Variants in STK32B observed in about 807,000 individuals in gnomAD.
The protein encoded by STK32B is serine/threonine kinase 32B, also known as serine/threonine-protein kinase 32B.
In STK32B, 43 loss-of-function variants were observed where a neutral mutation model predicts 52.6. That is an observed-to-expected ratio of 0.82 (90% CI 0.64 to 1.05). STK32B has a LOEUF of 1.05. Among genes scored for constraint, STK32B ranks in the 50% least tolerant of loss-of-function variants. STK32B has a pLI of 0.00. For synonymous variants in STK32B, 238 were observed against 204.3 expected, an observed-to-expected ratio of 1.17 and a Z score of -1.41; for missense variants, 621 against 534.6, an observed-to-expected ratio of 1.16 and a Z score of -1.59.
intron 7 of STK32B, among the ~76,000 whole-genome samples, chr4:5,449,659 A>C (rs1715802255): frequency 6.6e-6 from 1 of 152,074 alleles, no homozygotes. Context: ...TGAGCCAGGG[A>C]AGCTTCCTCT....
chr4:5,109,397 A>G (rs185596810), intron 1 of STK32B, among the ~76,000 whole-genome samples: 169 of 152,362 alleles, frequency 1.1e-3, no homozygotes, highest in Non-Finnish European at 1.5e-3. Context: ...CAGTGGAGCT[A>G]ACAAATGAAT....
chr4:5,152,008 C>T (rs1717408577), intron 2 of STK32B, among the ~76,000 whole-genome samples: 2 of 152,178 alleles, frequency 1.3e-5, no homozygotes, highest in Admixed American at 6.5e-5. Context: ...AGACATAGTG[C>T]CTGGTCCAAG....
intron 2 of STK32B, among the ~76,000 whole-genome samples, chr4:5,146,857 G>T (rs1246309164): frequency 6.6e-6 from 1 of 152,076 alleles, no homozygotes; most frequent in Non-Finnish European, 1.5e-5. Context: ...GGTAGTATAA[G>T]TCCTCCACAT....
intron 3 of STK32B, among the ~76,000 whole-genome samples, chr4:5,241,953 C>A (rs1289285461): frequency 6.6e-6 from 1 of 152,176 alleles, no homozygotes; most frequent in African/African-American, 2.4e-5. Flanking sequence ...ATATGTGCCA[C>A]ATTTTCTTAA....
intron 1 of STK32B, among the ~76,000 whole-genome samples, chr4:5,093,524 G>A (rs1713212573): frequency 6.6e-6 from 1 of 151,904 alleles, no homozygotes; most frequent in African/African-American, 2.4e-5. Flanking sequence ...AGAACACGTG[G>A]ACACAGGAAG....
intron 1 of STK32B, among the ~76,000 whole-genome samples, chr4:5,128,373 CAT>C (rs1395438341): frequency 3.3e-5 from 5 of 152,214 alleles, no homozygotes; most frequent in Non-Finnish European, 5.9e-5. Flanking sequence ...GTCTCTCAAA[CAT>C]GTGTTTGATT....
At chr4:5,204,447 T>C (rs1369183240) in intron 3 of STK32B, among the ~76,000 whole-genome samples, 1 of 123,122 alleles carries the variant, frequency 8.1e-6, no homozygotes, top group Non-Finnish European at 1.8e-5. Context: ...TTTGTTTTTG[T>C]TTTTTAGGTT....
At chr4:5,034,933 TCAA>T in the STK32B span, among the ~76,000 whole-genome samples, 1 of 152,228 alleles carries the variant, frequency 6.6e-6, no homozygotes, top group African/African-American at 2.4e-5. Context: ...CCACTGGCCA[TCAA>T]CGACTTCCTT....
At chr4:5,318,471 G>GA (rs949790750) in intron 3 of STK32B, among the ~76,000 whole-genome samples, 5 of 150,996 alleles carry the variant, frequency 3.3e-5, no homozygotes, top group South Asian at 2.1e-4. Context: ...AATAGATTGA[G>GA]AAAAAAAAAG....
At chr4:5,334,936 CT>C (rs1185850218) in intron 4 of STK32B, among the ~76,000 whole-genome samples, 1 of 151,722 alleles carries the variant, frequency 6.6e-6, no homozygotes, top group African/African-American at 2.4e-5. Flanking sequence ...GTCTAAAATT[CT>C]CTTTTTTGGT....
intron 1 of STK32B, chr4:5,127,033 C>T: frequency 2.1e-6 from 1 of 474,674 alleles, no homozygotes; most frequent in Non-Finnish European, 4.2e-6. Context: ...GCTCAGAATG[C>T]TCAATGCTGA....
intron 3 of STK32B, among the ~76,000 whole-genome samples, chr4:5,275,056 G>A (rs1482774500): frequency 6.6e-6 from 1 of 152,202 alleles, no homozygotes; most frequent in Non-Finnish European, 1.5e-5. Flanking sequence ...CGTGGCCCAA[G>A]ATTCCATTCC....
intron 6 of STK32B, among the ~76,000 whole-genome samples, chr4:5,425,365 G>A (rs548486771): frequency 1.3e-5 from 2 of 152,316 alleles, no homozygotes; most frequent in African/African-American, 4.8e-5. Context: ...TGAGGCCAGG[G>A]AAAGTGAAGT....
intron 4 of STK32B, among the ~76,000 whole-genome samples, chr4:5,346,818 A>C (rs574797276): frequency 8.9e-4 from 136 of 152,346 alleles, no homozygotes; most frequent in African/African-American, 3.1e-3. Flanking sequence ...TGGGTAGTTT[A>C]GAAAGAAAGA....
At chr4:5,264,243 A>T (rs1432938627) in intron 3 of STK32B, among the ~76,000 whole-genome samples, 1 of 152,200 alleles carries the variant, frequency 6.6e-6, no homozygotes, top group African/African-American at 2.4e-5. Flanking sequence ...AGAGTTTTCC[A>T]AAAGTTATCA....
At chr4:5,138,227 G>C (rs1457727059) in intron 1 of STK32B, among the ~76,000 whole-genome samples, 1 of 152,206 alleles carries the variant, frequency 6.6e-6, no homozygotes. Flanking sequence ...AAGCACGTTA[G>C]GCATTCGACC....
At chr4:5,226,596 A>T (rs1269451949) in intron 3 of STK32B, among the ~76,000 whole-genome samples, 1 of 152,210 alleles carries the variant, frequency 6.6e-6, no homozygotes, top group East Asian at 1.9e-4. Context: ...ACTTAGGAGC[A>T]GTCTTGGTTA....
intron 1 of STK32B, among the ~76,000 whole-genome samples, chr4:5,093,865 A>T (rs1032269889): frequency 6.6e-6 from 1 of 152,210 alleles, no homozygotes; most frequent in Non-Finnish European, 1.5e-5. Context: ...TGAGACCTAT[A>T]CAAAGTGCTA....
chr4:5,220,593 G>A (rs1723469161), intron 3 of STK32B, among the ~76,000 whole-genome samples: 1 of 152,212 alleles, frequency 6.6e-6, no homozygotes, highest in Non-Finnish European at 1.5e-5. Context: ...GACTAGAATT[G>A]AGGCTGGAAA....
Sources: gnomAD v4.1 joint callset for allele counts (sites outside exome capture counted in the v4.1 genomes callset) on GRCh38, gnomAD v4.1.1 for gene constraint, MANE v1.5 for transcripts, NCBI Gene and HGNC (gene_info 2026-07-23, HGNC 2026-07-21) for gene names.